METTL2B: variants seen among roughly 807,000 people sequenced by gnomAD.
METTL2B encodes the protein tRNA N(3)-cytidine methyltransferase METTL2B.
A neutral mutation model predicts 51.0 loss-of-function variants in METTL2B; 28 were observed. The ratio of observed to expected loss-of-function variants is 0.55; its 90% CI spans 0.41 to 0.75. METTL2B has a LOEUF of 0.75. Among genes scored for constraint, METTL2B ranks in the 30% least tolerant of loss-of-function variants. The pLI is 0.00. For missense variants in METTL2B, 313 were observed against 460.7 expected (o/e 0.68, Z 2.93); for synonymous variants, 128 against 166.3 (o/e 0.77, Z 1.77).
Position 128,503,026 on chromosome 7 carries a change from T to C in METTL2B, c.*1110T>C, listed in dbSNP as rs1462784178. ...GCTCATGCCTGTAATCCCAACACTT[T>C]GGGAGGCTGAGGCAGGTGGATCACG... is the stretch of plus-strand genomic sequence containing the variant. On this transcript the variant is annotated 3_prime_UTR_variant, in exon 9 of 9. Transcript: ENST00000262432. 1.9e-5 allele frequency: 3 copies of C among 160,182 alleles called. No homozygotes were observed. The highest frequency in any genetic ancestry group is 6.0e-5 in the Admixed American group (1 of 16,630). The allele number at this position is 160,182 out of a possible 1,614,324, so 9.9% of individuals were successfully genotyped here.
chr7:128,480,600 A>G (rs1341065071), intron 3 of METTL2B, 47 bp from the exon 4 acceptor site: 19 of 1,611,570 alleles, frequency 1.2e-5, no homozygotes, highest in Non-Finnish European at 1.6e-5. Flanking sequence ...GCTTTCGGGA[A>G]TTAACTCTGG....
chr7:128,492,059 G>A (rs1456757824), intron 5 of METTL2B, among the ~76,000 whole-genome samples: 1 of 152,104 alleles, frequency 6.6e-6, no homozygotes, highest in Non-Finnish European at 1.5e-5. Flanking sequence ...GAGTGCAGTG[G>A]TACAATCAAG....
In METTL2B at chr7:128,501,805, T is replaced by C. The variant is rs753998466; in HGVS notation, c.1026T>C (p.Val342=). Residue 342 remains valine, a synonymous_variant, in exon 9 of 9, where the codon GTT becomes GTC. Transcript: ENST00000262432. ...TCACCACTGCTGGACTGGAAAAAGT[T>C]CAGAATCTGGTGGACCGCCGACTGC... is the stretch of plus-strand genomic sequence containing the variant. ...TLFTTAGLEK[V]QNLVDRRLQV... is the part of the protein sequence containing the mutation. 74 of 1,614,022 alleles carry C rather than the reference T, an allele frequency of 4.6e-5. No homozygotes were observed. Among genetic ancestry groups the C allele is most frequent in the Non-Finnish European group, 6.3e-5 (74 of 1,180,038 alleles).
intron 4 of METTL2B, among the ~76,000 whole-genome samples, chr7:128,486,269 G>T (rs1792709362): frequency 6.6e-6 from 1 of 151,646 alleles, no homozygotes; most frequent in Admixed American, 6.6e-5. Context: ...CTCCAGCCTG[G>T]GTGACAAAAG....
At position 128,505,586 on chromosome 7, in the gene METTL2B, G is replaced by C. The variant is rs1793110272; in HGVS notation, c.*3670G>C. ...GTCTGCCAGGTTCTGCCACTGTAAA[G>C]TTAATAAGTATTTTGTAGGGAAGTG... On this transcript the variant is annotated 3_prime_UTR_variant, in exon 9 of 9. Coordinates refer to ENST00000262432, the MANE Select transcript of METTL2B (RefSeq NM_018396.3). The C allele has an allele frequency of 6.6e-6, 1 of 152,198 alleles. No individual in the cohort carries two copies. The highest frequency in any genetic ancestry group is 1.5e-5 in the Non-Finnish European group (1 of 68,040). The allele number at this position is 152,198 out of a possible 1,614,324, so 9.4% of individuals were successfully genotyped here.
At chr7:128,481,082 C>G (rs574764821) in intron 4 of METTL2B, among the ~76,000 whole-genome samples, 1 of 152,340 alleles carries the variant, frequency 6.6e-6, no homozygotes, top group South Asian at 2.1e-4. Flanking sequence ...TTCTCATGAT[C>G]TCTGAAGAAC....
At chr7:128,501,635 A>G (rs1793031725) in intron 8 of METTL2B, 127 bp from the exon 9 acceptor site, 3 of 1,499,242 alleles carry the variant, frequency 2.0e-6, no homozygotes, top group Non-Finnish European at 1.8e-6. Context: ...CACTGCATTT[A>G]TAACCAAATG....
chr7:128,492,284 G>A (rs1460514517), intron 5 of METTL2B, among the ~76,000 whole-genome samples: 28 of 151,834 alleles, frequency 1.8e-4, no homozygotes, highest in South Asian at 4.2e-4. Context: ...AGCCTCCAGA[G>A]TAGCTGGGAT....
intron 4 of METTL2B, among the ~76,000 whole-genome samples, chr7:128,485,395 G>A (rs1419479496): frequency 1.3e-5 from 2 of 152,128 alleles, no homozygotes; most frequent in African/African-American, 4.8e-5. Flanking sequence ...CTGGTGCTGC[G>A]GCTCACGCCT....
chr7:128,484,217 C>CTTTTTTTTTTTTGTTTTGTTTTTTTTT (rs1428525341), intron 4 of METTL2B: 3 of 42,414 alleles, frequency 7.1e-5, no homozygotes, highest in African/African-American at 3.0e-4. Context: ...TGCCTAGATC[C>CTTTTTTTTTTTTGTTTTGTTTTTTTTT]TTTTTTTTTT....
At chr7:128,499,049 T>A (rs145120492) in intron 7 of METTL2B, among the ~76,000 whole-genome samples, 1,588 of 150,236 alleles carry the variant, frequency 0.011, 32 homozygotes, top group African/African-American at 0.037. Context: ...AAATGTGGCA[T>A]GACAAAAGAT....
Position 128,479,205 on chromosome 7 carries a change from A to G in METTL2B, c.250A>G (p.Ile84Val), listed in dbSNP as rs775896759. 6.2e-6 allele frequency: 10 copies of G among 1,614,088 alleles called. No homozygotes were observed. The highest frequency in any genetic ancestry group is 5.3e-5 in the African/African-American group (4 of 74,950). The change falls in exon 3 of 9, where the codon ATC becomes GTC. Residue 84 changes from isoleucine to valine, a missense_variant. Ile to Val is a conservative substitution (Grantham distance 29). Around this residue, in one of 4 missense-constraint regions of METTL2B, gnomAD observed 67 missense variants for 101.4 expected, o/e 0.66. Coordinates refer to ENST00000262432, the MANE Select transcript of METTL2B (RefSeq NM_018396.3). ...AHKYWNDFYK[I>V]HENGFFKDRH... ...CAAATACTGGAATGACTTCTACAAA[A>G]TCCACGAAAATGGGTTTTTCAAGGA... is the stretch of plus-strand genomic sequence containing the variant.
chr7:128,484,136 A>G (rs1014988489), intron 4 of METTL2B: 25 of 150,966 alleles, frequency 1.7e-4, no homozygotes, highest in African/African-American at 5.6e-4. Context: ...CTGGGATTAC[A>G]GGCATGAGCC....
intron 4 of METTL2B, among the ~76,000 whole-genome samples, chr7:128,487,249 G>T (rs1584792195): frequency 1.3e-5 from 2 of 152,150 alleles, no homozygotes; most frequent in African/African-American, 4.8e-5. Flanking sequence ...CCATGCCTTT[G>T]AGAGGCTGGA....
At position 128,488,401 on chromosome 7, in the gene METTL2B, A is replaced by G. The variant is rs916445147; in HGVS notation, c.669+240A>G. On this transcript the variant is annotated intron_variant, in intron 5 of 8. Coordinates refer to ENST00000262432, the MANE Select transcript of METTL2B (RefSeq NM_018396.3). The stretch of plus-strand genomic sequence containing the variant: ...TGGCAACCCTGCATCAAGCAAGCCT[A>G]CCAGTGCCGTTTCTCCACCACCATA... 17 of 667,368 alleles carry G rather than the reference A, an allele frequency of 2.5e-5. No individual in the cohort carries two copies. In the Admixed American group the frequency reaches 3.6e-4, roughly 14 times the overall value. The allele number at this position is 667,368 out of a possible 1,614,324, so 41.3% of individuals were successfully genotyped here.
At chr7:128,501,146 C>G in intron 8 of METTL2B, 178 bp downstream of exon 8, 1 of 985,460 alleles carries the variant, frequency 1.0e-6, no homozygotes, top group Non-Finnish European at 1.2e-6. Flanking sequence ...GCCAGCCACT[C>G]GGGCCCCCAG....
chr7:128,501,104 C>G, intron 8 of METTL2B, 136 bp downstream of exon 8: 1 of 1,526,300 alleles, frequency 6.6e-7, no homozygotes, highest in Admixed American at 2.2e-5. Flanking sequence ...TGCTCACACC[C>G]TCTTCCACCC....
At chr7:128,488,860 T>C (rs899584157) in intron 5 of METTL2B, among the ~76,000 whole-genome samples, 5 of 152,192 alleles carry the variant, frequency 3.3e-5, no homozygotes, top group Non-Finnish European at 7.3e-5. Flanking sequence ...ATGCCAGCAC[T>C]TTGGGAGGCC....
intron 7 of METTL2B, among the ~76,000 whole-genome samples, chr7:128,499,283 G>T (rs1416580733): frequency 2.6e-5 from 4 of 152,150 alleles, no homozygotes; most frequent in Non-Finnish European, 5.9e-5. Context: ...TAACAAGTTA[G>T]TACTTCTTAT....
Sources: gnomAD v4.1 joint callset for allele counts (sites outside exome capture counted in the v4.1 genomes callset) on GRCh38, gnomAD v4.1.1 for gene constraint, gnomAD v4.1.1 regional missense constraint, MANE v1.5 for transcripts, NCBI Gene and HGNC (gene_info 2026-07-23, HGNC 2026-07-21) for gene names.